The following FRMPD4 variants were observed in gnomAD, a reference collection of about 807,000 sequenced individuals.
The protein encoded by FRMPD4 is FERM and PDZ domain containing 4, also known as FERM and PDZ domain-containing protein 4.
A neutral mutation model predicts 94.1 loss-of-function variants in FRMPD4; 22 were observed. The ratio of observed to expected loss-of-function variants is 0.23; its 90% CI spans 0.17 to 0.33. The LOEUF (loss-of-function observed/expected upper bound fraction) is 0.33, where lower values mean the gene tolerates loss of function less well. Among genes scored for constraint, FRMPD4 ranks in the 10% least tolerant of loss-of-function variants. The probability of loss-of-function intolerance (pLI) is 1.00; values close to 1 mark genes in which losing one functional copy is unlikely to be tolerated. For synonymous variants in FRMPD4, 631 were observed against 548.6 expected (o/e 1.15, Z -2.10); for missense variants, 1,111 against 1,339.9 (o/e 0.83, Z 2.67).
chrX:11,912,944 T>C (rs2054004660), intron 3 of FRMPD4, among the ~76,000 whole-genome samples: 1 of 111,555 alleles, frequency 9.0e-6, no homozygotes, highest in Non-Finnish European at 1.9e-5. Context: ...CTGAGGTCAT[T>C]ACCATTACTT....
Position 12,067,542 on chromosome X carries a change from C to T in FRMPD4, c.95+189524C>T, listed in dbSNP as rs377695907. Reference sequence around the variant, plus strand: ...ATGTGATTCTCCTGCCTCAGCCTCCCGAGTAGCTGAGATTACAGGCGTGCA... The same window carrying T: ...ATGTGATTCTCCTGCCTCAGCCTCCTGAGTAGCTGAGATTACAGGCGTGCA... On this transcript the variant is annotated intron_variant, in intron 3 of 18. Transcript: ENST00000640291. Among the ~76,000 whole-genome samples, 8 of 110,138 alleles carry T rather than the reference C, an allele frequency of 7.3e-5. 1 individual carries two copies. The highest frequency in any genetic ancestry group is 6.8e-4 in the Admixed American group (7 of 10,323).
chrX:12,408,153 A>G (rs1341693396), intron 1 of FRMPD4, among the ~76,000 whole-genome samples: 1 of 106,970 alleles, frequency 9.3e-6, no homozygotes, highest in African/African-American at 3.4e-5. Context: ...GGGCTTATAT[A>G]CCATAGGGAA....
rs979421142 is a variant in FRMPD4 at position 12,721,136 on chromosome X, G to C, written c.4567G>C (p.Glu1523Gln). The change falls in exon 17 of 17, where the codon GAG (glutamate) becomes CAG (glutamine). Residue 1523 changes from glutamate (E) to glutamine (Q), a missense_variant. Physicochemically the swap from Glu to Gln is conservative, Grantham distance 29. Coordinates refer to ENST00000675598, the MANE Select transcript of FRMPD4 (RefSeq NM_001368397.1). ...TGGTGAGGAAGAAGAGGAGAGGGGA[G>C]AGGCCACCGTCCAGGTCTCTTGCCT... ...EDGEEEEERG[E>Q]ATVQVSCLYR... The C allele has an allele frequency of 3.4e-5, 26 of 757,242 alleles. No homozygotes were observed. Among genetic ancestry groups the C allele is most frequent in the Non-Finnish European group, 4.1e-5 (26 of 640,075 alleles). 62.4% of individuals were successfully genotyped at this position (757,242 alleles called of 1,213,427 possible). A position where few individuals can be genotyped will look rare whatever the true frequency, so the allele number is the denominator to read the frequency against.
chrX:12,291,467 T>C (rs2054688051), intron 1 of FRMPD4, among the ~76,000 whole-genome samples: 1 of 112,197 alleles, frequency 8.9e-6, no homozygotes, highest in South Asian at 3.7e-4. Flanking sequence ...GTCATTTATA[T>C]GCTAATTACT....
At chrX:12,145,269 C>T (rs1035742099) in intron 1 of FRMPD4, among the ~76,000 whole-genome samples, 3 of 112,192 alleles carry the variant, frequency 2.7e-5, no homozygotes, top group Non-Finnish European at 5.6e-5. Context: ...GGGGAGAACA[C>T]GCGGCCATCT....
rs760665529 is a variant in FRMPD4, at chrX:12,418,601, G to A, written c.42-80079G>A. Among the ~76,000 whole-genome samples the A allele has an allele frequency of 2.0e-4, 22 of 109,302 alleles. No individual in the cohort carries two copies. The South Asian group carries it at 7.1e-3, about 35-fold the overall frequency. The allele number at this position is 109,302 out of a possible 115,157, so 94.9% of individuals were successfully genotyped here. ...TCTCGAACTCCCGACCTCGTGATCCGTCCGCCTCAGCCTCCCAAAGTACTG... is the reference window on the plus strand; with the variant it reads ...TCTCGAACTCCCGACCTCGTGATCCATCCGCCTCAGCCTCCCAAAGTACTG... On this transcript the variant is annotated intron_variant, in intron 1 of 16. Transcript: ENST00000675598.
At chrX:12,100,893 T>C (rs1421801006) in intron 3 of FRMPD4, among the ~76,000 whole-genome samples, 1 of 112,368 alleles carries the variant, frequency 8.9e-6, no homozygotes, top group Admixed American at 9.4e-5. Context: ...CAAGGAACTT[T>C]TCATGTTCAC....
At chrX:12,298,231 G>A (rs1187070996) in intron 1 of FRMPD4, among the ~76,000 whole-genome samples, 1 of 112,135 alleles carries the variant, frequency 8.9e-6, no homozygotes, top group Non-Finnish European at 1.9e-5. Context: ...ATGATGTTGT[G>A]AGCTAAGGGT....
intron 1 of FRMPD4, among the ~76,000 whole-genome samples, chrX:12,305,458 G>C (rs1473943438): frequency 1.8e-5 from 2 of 111,590 alleles, no homozygotes; most frequent in African/African-American, 6.5e-5. Context: ...TGGCAAAGGT[G>C]GTGACAGCCA....
intron 3 of FRMPD4, among the ~76,000 whole-genome samples, chrX:11,907,569 T>G (rs1418790777): frequency 1.8e-5 from 2 of 111,798 alleles, no homozygotes. Context: ...TATTTTCTTA[T>G]GCAGTGGAAA....
intron 6 of FRMPD4, among the ~76,000 whole-genome samples, chrX:12,684,295 G>A (rs2059999929): frequency 8.9e-6 from 1 of 112,323 alleles, no homozygotes. Context: ...CCTTTGAAAT[G>A]CCAGAGCGTT....
chrX:12,050,684 A>G (rs1341538947), intron 3 of FRMPD4, among the ~76,000 whole-genome samples: 1 of 110,590 alleles, frequency 9.0e-6, no homozygotes, highest in Non-Finnish European at 1.9e-5. Flanking sequence ...TTATTCTAAC[A>G]GCTGAACTGG....
intron 2 of FRMPD4, among the ~76,000 whole-genome samples, chrX:12,586,019 AAGAGCCTATTC>A (rs2058925793): frequency 8.9e-6 from 1 of 112,488 alleles, no homozygotes; most frequent in African/African-American, 3.2e-5. Flanking sequence ...GTACTTCAGG[AAGAGCCTATTC>A]AGAGCCTATT....
chrX:12,220,174 C>T (rs1189444879), intron 1 of FRMPD4, among the ~76,000 whole-genome samples: 1 of 108,984 alleles, frequency 9.2e-6, no homozygotes, highest in Non-Finnish European at 1.9e-5. Context: ...ACAACAACAA[C>T]AACAACACAA....
At chrX:12,081,827 A>G (rs1015328176) in intron 3 of FRMPD4, among the ~76,000 whole-genome samples, 1 of 111,768 alleles carries the variant, frequency 8.9e-6, no homozygotes, top group Non-Finnish European at 1.9e-5. Context: ...CCTCATTCCT[A>G]TGAAATTTAT....
intron 2 of FRMPD4, among the ~76,000 whole-genome samples, chrX:12,594,771 C>T (rs1202189284): frequency 9.0e-6 from 1 of 111,695 alleles, no homozygotes; most frequent in African/African-American, 3.3e-5. Flanking sequence ...TATTCTTTCC[C>T]TGGGATTTGA....
intron 4 of FRMPD4, among the ~76,000 whole-genome samples, chrX:12,663,681 A>G (rs2059742991): frequency 8.9e-6 from 1 of 112,051 alleles, no homozygotes; most frequent in African/African-American, 3.2e-5. Flanking sequence ...TCTTGGCTAT[A>G]TGGGCTCTTT....
chrX:12,034,372 C>T (rs2054708837), intron 3 of FRMPD4, among the ~76,000 whole-genome samples: 1 of 111,835 alleles, frequency 8.9e-6, no homozygotes, highest in African/African-American at 3.2e-5. Context: ...ATTTTCCTAC[C>T]TCAAATGTCA....
At chrX:11,874,306 T>C (rs192632982) in intron 2 of FRMPD4, among the ~76,000 whole-genome samples, 1 of 111,650 alleles carries the variant, frequency 9.0e-6, no homozygotes, top group Non-Finnish European at 1.9e-5. Flanking sequence ...AATGCCACCA[T>C]GACTGGCTAG....
Sources: allele counts gnomAD v4.1 joint callset (sites outside exome capture counted in the v4.1 genomes callset), GRCh38; gene constraint gnomAD v4.1.1; transcripts MANE v1.5; gene names NCBI Gene and HGNC (gene_info 2026-07-23, HGNC 2026-07-21).